Variants in PCCA observed in about 807,000 individuals in gnomAD.
The protein encoded by PCCA is propionyl-CoA carboxylase alpha chain, mitochondrial.
In PCCA, 74 loss-of-function variants were observed where a neutral mutation model predicts 101.3. That is an observed-to-expected ratio of 0.73 (90% CI 0.61 to 0.89). The LOEUF is 0.89. Among genes scored for constraint, PCCA ranks in the 40% least tolerant of loss-of-function variants. The pLI is 0.00. For synonymous variants in PCCA, 294 were observed against 313.6 expected, an observed-to-expected ratio of 0.94 and a Z score of 0.66; for missense variants, 891 against 907.0, an observed-to-expected ratio of 0.98 and a Z score of 0.23.
intron 8 of PCCA, among the ~76,000 whole-genome samples, chr13:100,244,749 G>A (rs900044030): frequency 6.6e-6 from 1 of 151,986 alleles, no homozygotes; most frequent in African/African-American, 2.4e-5. Context: ...GAAATAGGCA[G>A]GCAAAATCAG....
At chr13:100,397,909 T>C (rs1330258772) in intron 19 of PCCA, among the ~76,000 whole-genome samples, 1 of 152,204 alleles carries the variant, frequency 6.6e-6, no homozygotes, top group Non-Finnish European at 1.5e-5. Flanking sequence ...AATTCCCCAG[T>C]TGGACAAAAA....
At chr13:100,250,008 C>A (rs1379514232) in intron 8 of PCCA, among the ~76,000 whole-genome samples, 3 of 152,080 alleles carry the variant, frequency 2.0e-5, no homozygotes, top group Non-Finnish European at 4.4e-5. Context: ...TCATCTTATC[C>A]ACTAGTGAAG....
At chr13:100,358,679 G>T (rs1229506966) in intron 18 of PCCA, among the ~76,000 whole-genome samples, 1 of 152,124 alleles carries the variant, frequency 6.6e-6, no homozygotes, top group Non-Finnish European at 1.5e-5. Context: ...AAAGAAAAAT[G>T]TGTTTAAAAA....
chr13:100,404,098 G>C (rs1157656345), intron 19 of PCCA, among the ~76,000 whole-genome samples: 3 of 152,230 alleles, frequency 2.0e-5, no homozygotes, highest in Non-Finnish European at 4.4e-5. Context: ...GCCGTTGTCA[G>C]AGTCTCCAGT....
rs923001191 is a variant in PCCA, at chr13:100,223,857, C to T, written c.601-11985C>T. ...AAGTCCCCACCAGAGTAGCTAGATACAGAGTGTCGATTGGTGCATTCACAA... is the reference window on the plus strand; with the variant it reads ...AAGTCCCCACCAGAGTAGCTAGATATAGAGTGTCGATTGGTGCATTCACAA... On this transcript the variant is annotated intron_variant, in intron 7 of 23. Transcript: ENST00000376285. 6.6e-5 allele frequency among the ~76,000 whole-genome samples: 10 copies of T among 152,050 alleles called. 1 individual carries two copies. In the South Asian group the frequency reaches 1.9e-3, roughly 28 times the overall value.
At chr13:100,105,844 C>CAAAAAAAAAAAAAAAAAAAAAAAAAAAAG (rs2047721165) in intron 2 of PCCA, among the ~76,000 whole-genome samples, 1 of 62,506 alleles carries the variant, frequency 1.6e-5, no homozygotes, top group Non-Finnish European at 2.7e-5. Context: ...GATCCTGTCT[C>CAAAAAAAAAAAAAAAAAAAAAAAAAAAAG]AAAAAAAAAA....
At chr13:100,181,912 G>A (rs1043283721) in intron 6 of PCCA, among the ~76,000 whole-genome samples, 13 of 142,464 alleles carry the variant, frequency 9.1e-5, no homozygotes, top group African/African-American at 2.9e-4. Context: ...TTACAGGCAC[G>A]CGCCACCACA....
At chr13:100,494,121 G>A (rs563111674) in intron 21 of PCCA, among the ~76,000 whole-genome samples, 5 of 151,754 alleles carry the variant, frequency 3.3e-5, no homozygotes, top group Non-Finnish European at 7.4e-5. Context: ...ACCAGGAGGT[G>A]GAGATTACAG....
chr13:100,400,394 G>A (rs2077267902), intron 19 of PCCA, among the ~76,000 whole-genome samples: 1 of 152,092 alleles, frequency 6.6e-6, no homozygotes, highest in Non-Finnish European at 1.5e-5. Context: ...CACCTGACAA[G>A]CTGTTCTGTG....
intron 12 of PCCA, among the ~76,000 whole-genome samples, chr13:100,298,744 GTCCTTCCT>G (rs1566891576): frequency 9.5e-6 from 1 of 105,024 alleles, no homozygotes; most frequent in Non-Finnish European, 2.0e-5. Context: ...CCTTCCTTCC[GTCCTTCCT>G]TCCGTCCTTT....
At chr13:100,491,975 A>G (rs1471345853) in intron 21 of PCCA, among the ~76,000 whole-genome samples, 1 of 152,232 alleles carries the variant, frequency 6.6e-6, no homozygotes, top group African/African-American at 2.4e-5. Context: ...GCAGAGTTCA[A>G]TCAGAGGTCC....
chr13:100,324,236 G>A (rs1165451892), intron 16 of PCCA, among the ~76,000 whole-genome samples: 1 of 152,082 alleles, frequency 6.6e-6, no homozygotes, highest in Non-Finnish European at 1.5e-5. Context: ...TTTGTAATCT[G>A]GATGACCAAG....
At chr13:100,187,756 CTT>C (rs1049858812) in intron 6 of PCCA, among the ~76,000 whole-genome samples, 12 of 152,132 alleles carry the variant, frequency 7.9e-5, no homozygotes, top group East Asian at 7.7e-4. Context: ...GGGTGGCACT[CTT>C]TTTATTTCAG....
At chr13:100,360,175 CT>C (rs905815481) in intron 18 of PCCA, among the ~76,000 whole-genome samples, 10 of 149,490 alleles carry the variant, frequency 6.7e-5, no homozygotes, top group Middle Eastern at 3.5e-3. Context: ...AAACCCCCCC[CT>C]TTTTTTTTTC....
intron 21 of PCCA, among the ~76,000 whole-genome samples, chr13:100,458,422 CGCACACACACACACACAT>C (rs1484392916): frequency 2.8e-5 from 3 of 105,832 alleles, no homozygotes; most frequent in African/African-American, 1.0e-4. Context: ...CATCTCTGCG[CGCACACACACACACACAT>C]ACACACACAC....
intron 19 of PCCA, among the ~76,000 whole-genome samples, chr13:100,413,661 C>T (rs1208743983): frequency 6.6e-6 from 1 of 152,148 alleles, no homozygotes; most frequent in African/African-American, 2.4e-5. Context: ...TCATTCCTCA[C>T]AACCACTCCT....
At chr13:100,141,771 AG>A (rs376056970) in intron 4 of PCCA, among the ~76,000 whole-genome samples, 353 of 152,238 alleles carry the variant, frequency 2.3e-3, no homozygotes, top group Non-Finnish European at 4.2e-3. Context: ...AAACTCCTGG[AG>A]GGGTAGAGGA....
chr13:100,291,423 A>C (rs1342519149), intron 12 of PCCA, among the ~76,000 whole-genome samples: 1 of 151,750 alleles, frequency 6.6e-6, no homozygotes, highest in African/African-American at 2.4e-5. Flanking sequence ...AGGAGGACTC[A>C]GGGGATGTGT....
chr13:100,276,610 T>C lies in PCCA; in HGVS notation c.1065+3264T>C, dbSNP rs560891374. ...TATGTTTCTTATGCTCTCTTTGATA[T>C]TTTTCATCTTTTTTGGATAATTTCT... On this transcript the variant is annotated intron_variant, in intron 12 of 23. Transcript: ENST00000376285. Among the ~76,000 whole-genome samples, 62 of 152,298 alleles carry C rather than the reference T, an allele frequency of 4.1e-4. 1 individual carries two copies. The highest frequency in any genetic ancestry group is 1.0e-3 in the South Asian group (5 of 4,830).
Sources: allele counts gnomAD v4.1 joint callset (sites outside exome capture counted in the v4.1 genomes callset), GRCh38; gene constraint gnomAD v4.1.1; transcripts MANE v1.5; gene names NCBI Gene and HGNC (gene_info 2026-07-23, HGNC 2026-07-21).